PPM1L: variants seen among roughly 807,000 people sequenced by gnomAD.
PPM1L encodes the protein protein phosphatase, Mg2+/Mn2+ dependent 1L.
Under a neutral mutation model 31.4 loss-of-function variants are expected in PPM1L, and 13 were observed. The ratio of observed to expected loss-of-function variants is 0.41; its 90% confidence interval spans 0.27 to 0.66. PPM1L has a LOEUF of 0.66. PPM1L is among the 30% of genes least tolerant of loss of function. The pLI is 0.29. For synonymous variants in PPM1L, 184 were observed against 175.4 expected (o/e 1.05, Z -0.39); for missense variants, 326 against 453.7 (o/e 0.72, Z 2.56).
In PPM1L at chr3:160,771,029, G is replaced by A. The variant is rs139310447; in HGVS notation, c.399+14322G>A. 5.6e-3 allele frequency among the ~76,000 whole-genome samples: 859 copies of A among 152,154 alleles called. 11 individuals carry two copies. Among genetic ancestry groups the A allele is most frequent in the African/African-American group, 0.019 (801 of 41,478 alleles). ...TGTACATGATTTTGCACATCTTACT[G>A]TGTAGAGTAATATGTAATTATAAAT... On this transcript the variant is annotated intron_variant, in intron 1 of 3. Transcript: ENST00000498165.
chr3:160,933,278 G>A (rs993128445), intron 1 of PPM1L, among the ~76,000 whole-genome samples: 3 of 150,712 alleles, frequency 2.0e-5, no homozygotes, highest in African/African-American at 7.4e-5. Context: ...GCTATATTTT[G>A]AGTGAATTTT....
At chr3:160,983,729 G>C (rs1448373490) in intron 2 of PPM1L, among the ~76,000 whole-genome samples, 1 of 152,096 alleles carries the variant, frequency 6.6e-6, no homozygotes, top group Non-Finnish European at 1.5e-5. Context: ...ATTCTTCGTG[G>C]GTTCTTTTCT....
At chr3:160,952,177 A>T (rs545036071) in intron 1 of PPM1L, among the ~76,000 whole-genome samples, 4 of 152,300 alleles carry the variant, frequency 2.6e-5, no homozygotes, top group African/African-American at 9.6e-5. Context: ...CCCTTGCCTT[A>T]TGTTCTCTTC....
chr3:160,892,492 A>G (rs1447617), intron 1 of PPM1L, among the ~76,000 whole-genome samples: 132,367 of 152,074 alleles, frequency 0.87, 57,851 homozygotes, highest in Middle Eastern at 0.92. Context: ...TGAGATTTGG[A>G]CTGGACAAAT....
chr3:161,015,263 G>A (rs1718048308), intron 2 of PPM1L, among the ~76,000 whole-genome samples: 1 of 152,166 alleles, frequency 6.6e-6, no homozygotes, highest in Non-Finnish European at 1.5e-5. Context: ...GGGCACCTCA[G>A]TGAAATTAGC....
At chr3:161,007,635 GATTT>G (rs959501481) in intron 2 of PPM1L, among the ~76,000 whole-genome samples, 10 of 152,128 alleles carry the variant, frequency 6.6e-5, no homozygotes, top group African/African-American at 9.7e-5. Context: ...AAAATATTAT[GATTT>G]ATTTATTTTT....
intron 2 of PPM1L, among the ~76,000 whole-genome samples, chr3:161,012,525 G>A (rs959312785): frequency 6.6e-6 from 1 of 151,728 alleles, no homozygotes; most frequent in African/African-American, 2.4e-5. Context: ...GGATGATGCT[G>A]GCCTCATAAA....
Position 160,983,947 on chromosome 3 carries a change from AG to A in PPM1L, c.574+22040del, listed in dbSNP as rs1716882693. On this transcript the variant is annotated intron_variant, in intron 2 of 3. Transcript: ENST00000498165. ...TGGGTCACAGAGATCACTTGCTTTAAGGGCAACAAAAGATCACAAGACAGGA... is the reference window on the plus strand; with the variant it reads ...TGGGTCACAGAGATCACTTGCTTTAAGGCAACAAAAGATCACAAGACAGGA... 3.9e-5 allele frequency among the ~76,000 whole-genome samples: 6 copies of A among 152,332 alleles called. No individual in the cohort carries two copies. In the South Asian group the frequency reaches 1.2e-3, roughly 32 times the overall value.
intron 1 of PPM1L, among the ~76,000 whole-genome samples, chr3:160,913,360 T>C (rs900705808): frequency 3.3e-5 from 5 of 152,188 alleles, no homozygotes; most frequent in Non-Finnish European, 7.3e-5. Flanking sequence ...TTCACCTATA[T>C]TTTTTAGTTT....
chr3:160,814,346 G>A (rs1008815748), intron 1 of PPM1L, among the ~76,000 whole-genome samples: 6 of 152,112 alleles, frequency 3.9e-5, no homozygotes, highest in Middle Eastern at 3.4e-3. Flanking sequence ...TCAAAGTGAC[G>A]GACTTGTCGT....
chr3:160,891,610 C>G (rs1713146058), intron 1 of PPM1L, among the ~76,000 whole-genome samples: 1 of 152,054 alleles, frequency 6.6e-6, no homozygotes, highest in African/African-American at 2.4e-5. Context: ...GGATCTAGAA[C>G]CAGAAATACC....
chr3:161,070,493 T>A lies in PPM1L; in HGVS notation c.*1336T>A, dbSNP rs1719873580. ...GAATTCAAGCGTGAACCCATATTGA[T>A]AAGTGGGCCAGAATTATTTAGGGGC... On this transcript the variant is annotated 3_prime_UTR_variant, in exon 4 of 4. Transcript: ENST00000498165. The A allele has an allele frequency of 6.6e-6, 1 of 152,212 alleles. No individual in the cohort carries two copies. The highest frequency in any genetic ancestry group is 2.4e-5 in the African/African-American group (1 of 41,452). 9.4% of individuals were successfully genotyped at this position (152,212 alleles called of 1,614,324 possible).
Position 161,076,692 on chromosome 3 carries a change from G to C in PPM1L, c.*7535G>C, listed in dbSNP as rs62278983. 1 of 149,488 alleles carries C rather than the reference G, an allele frequency of 6.7e-6. No individual in the cohort carries two copies. The allele number at this position is 149,488 out of a possible 1,614,324, so 9.3% of individuals were successfully genotyped here. A position where few individuals can be genotyped will look rare whatever the true frequency, so the allele number is the denominator to read the frequency against. On this transcript the variant is annotated 3_prime_UTR_variant, in exon 4 of 4. Coordinates refer to ENST00000498165, the MANE Select transcript of PPM1L (RefSeq NM_139245.4). The stretch of plus-strand genomic sequence containing the variant: ...GTCTCAGCATTCTCATGGGCAGCCA[G>C]GAAAAAAAAAAAGAGAGAGAAAGAC...
intron 2 of PPM1L, among the ~76,000 whole-genome samples, chr3:160,963,607 G>T (rs1415786944): frequency 1.3e-5 from 2 of 152,002 alleles, no homozygotes; most frequent in Admixed American, 6.6e-5. Flanking sequence ...TGTAGAGGGG[G>T]CATTATTTTA....
At chr3:160,793,824 A>G (rs868199411) in intron 1 of PPM1L, among the ~76,000 whole-genome samples, 5 of 152,186 alleles carry the variant, frequency 3.3e-5, no homozygotes, top group East Asian at 1.9e-4. Context: ...TAGGTTATCA[A>G]TCAGGTTTGT....
chr3:160,814,498 T>C (rs553215452), intron 1 of PPM1L, among the ~76,000 whole-genome samples: 30 of 144,614 alleles, frequency 2.1e-4, no homozygotes, highest in East Asian at 9.9e-4. Context: ...CACACACACA[T>C]ATATGTATGT....
chr3:160,996,567 T>A (rs964986025), intron 2 of PPM1L, among the ~76,000 whole-genome samples: 7 of 152,122 alleles, frequency 4.6e-5, no homozygotes, highest in Admixed American at 6.6e-5. Flanking sequence ...ATGTTGTCAC[T>A]CATAAGTGGG....
At chr3:160,843,986 TCAGC>T (rs1713992314) in intron 1 of PPM1L, among the ~76,000 whole-genome samples, 1 of 152,198 alleles carries the variant, frequency 6.6e-6, no homozygotes, top group Non-Finnish European at 1.5e-5. Flanking sequence ...GAAAAGCTCA[TCAGC>T]TATTGTTAAT....
intron 1 of PPM1L, among the ~76,000 whole-genome samples, chr3:160,857,888 T>C (rs1452499842): frequency 6.6e-6 from 1 of 152,224 alleles, no homozygotes; most frequent in Non-Finnish European, 1.5e-5. Flanking sequence ...ATATCCATAT[T>C]GCTTACTTAA....
Sources: allele counts gnomAD v4.1 joint callset (sites outside exome capture counted in the v4.1 genomes callset), GRCh38; gene constraint gnomAD v4.1.1; transcripts MANE v1.5; gene names NCBI Gene and HGNC (gene_info 2026-07-23, HGNC 2026-07-21).